The following PELP1 variants were observed in gnomAD, a reference collection of about 807,000 sequenced individuals.
The protein encoded by PELP1 is proline, glutamate and leucine rich protein 1.
A neutral mutation model predicts 95.5 loss-of-function variants in PELP1; 32 were observed. The observed-to-expected ratio is 0.34, with a 90% CI of 0.25 to 0.45. PELP1 has a LOEUF of 0.45. Among genes scored for constraint, PELP1 ranks in the 20% least tolerant of loss-of-function variants. PELP1 has a pLI of 1.00. For synonymous variants in PELP1, 668 were observed against 600.1 expected (o/e 1.11, Z -1.65); for missense variants, 1,358 against 1,444.8 (o/e 0.94, Z 0.97).
intron 1 of PELP1, among the ~76,000 whole-genome samples, chr17:4,695,023 A>G (rs1490548729): frequency 6.6e-6 from 1 of 150,564 alleles, no homozygotes; most frequent in Admixed American, 6.6e-5. Flanking sequence ...GTGAGACTCC[A>G]TTTCGAAAAA....
In PELP1 at chr17:4,683,225, T is replaced by A. The variant is rs1400359195; in HGVS notation, c.421-273A>T. ...CCTGATTAACTGAAGAGTTTTCTTT[T>A]TTTTTTTTTTTTTGAGACGGAGTCT... On this transcript the variant is annotated intron_variant, in intron 3 of 16. Coordinates refer to ENST00000572293, the MANE Select transcript of PELP1 (RefSeq NM_014389.3). 25 of 43,790 alleles carry A rather than the reference T, an allele frequency of 5.7e-4. No individual in the cohort carries two copies. In the African/African-American group the frequency reaches 7.2e-3, roughly 13 times the overall value. 2.7% of individuals were successfully genotyped at this position (43,790 alleles called of 1,614,324 possible). A position where few individuals can be genotyped will look rare whatever the true frequency, so the allele number is the denominator to read the frequency against.
chr17:4,685,760 T>A (rs1410638365), intron 3 of PELP1, among the ~76,000 whole-genome samples: 1 of 143,958 alleles, frequency 6.9e-6, no homozygotes, highest in Non-Finnish European at 1.5e-5. Context: ...ACCACTATAT[T>A]CTAGCCCAGG....
At position 4,674,814 on chromosome 17, in the gene PELP1, G is replaced by C. The variant is rs766076538; in HGVS notation, c.1417C>G (p.Leu473Val). 10 of 1,611,630 alleles carry C rather than the reference G, an allele frequency of 6.2e-6. No homozygotes were observed. In the South Asian group the frequency reaches 7.7e-5, roughly 12 times the overall value. ...CGGAGCTGAGGCCTCCTCACCTTAAGGGCATCAGCTGGCGGGGAGATGTCG... is the reference window on the plus strand; with the variant it reads ...CGGAGCTGAGGCCTCCTCACCTTAACGGCATCAGCTGGCGGGGAGATGTCG... ...LSDISPPADA[L>V]KLRSPRGSPD... The change falls in exon 12 of 17, where the codon CTT (leucine) becomes GTT (valine). Residue 473 changes from leucine (L) to valine (V), a missense_variant. Around this residue, in one of 7 missense-constraint regions of PELP1, gnomAD observed 538 missense variants for 628.1 expected, o/e 0.86. Coordinates refer to ENST00000572293, the MANE Select transcript of PELP1 (RefSeq NM_014389.3).
chr17:4,699,922 A>G (rs113470813), intron 1 of PELP1, among the ~76,000 whole-genome samples: 726 of 10,746 alleles, frequency 0.068, 3 homozygotes, highest in Non-Finnish European at 0.12. Flanking sequence ...TTTTTTTTTG[A>G]GACAGAGTTT....
At chr17:4,679,043 T>A (rs1315158657) in intron 5 of PELP1, among the ~76,000 whole-genome samples, 1 of 151,880 alleles carries the variant, frequency 6.6e-6, no homozygotes, top group Non-Finnish European at 1.5e-5. Flanking sequence ...TTTTTTTTTT[T>A]TGAGACAGGG....
chr17:4,673,693 G>T lies in PELP1; in HGVS notation c.1583-19C>A. 6.2e-7 allele frequency: 1 copy of T among 1,611,710 alleles called. No homozygotes were observed. The highest frequency in any genetic ancestry group is 1.3e-5 in the African/African-American group (1 of 75,002). The stretch of plus-strand genomic sequence containing the variant: ...CTGAGGCCTGGGGAAGAAGAATGGT[G>T]TGTAAAGGGTAGGCTCCCAACAGAC... On this transcript the variant is annotated intron_variant, in intron 13 of 16. Coordinates refer to ENST00000572293, the MANE Select transcript of PELP1 (RefSeq NM_014389.3). This position sits in a 1 kb window ranked among gnomAD's most constrained non-coding sequence, Gnocchi z 5.7.
At chr17:4,692,729 G>A (rs1232480923) in intron 1 of PELP1, among the ~76,000 whole-genome samples, 1 of 152,108 alleles carries the variant, frequency 6.6e-6, no homozygotes, top group Non-Finnish European at 1.5e-5. Context: ...GGCCATTTAG[G>A]CCGGGCGTGG....
chr17:4,684,077 A>G (rs1912819120), intron 3 of PELP1, among the ~76,000 whole-genome samples: 1 of 152,058 alleles, frequency 6.6e-6, no homozygotes, highest in South Asian at 2.1e-4. Flanking sequence ...GAACCCATGG[A>G]GAAAAAACAA....
At chr17:4,687,527 T>C (rs930882164) in intron 3 of PELP1, among the ~76,000 whole-genome samples, 6 of 145,864 alleles carry the variant, frequency 4.1e-5, no homozygotes, top group Non-Finnish European at 6.0e-5. Flanking sequence ...AAAAAGTATC[T>C]TCAACTAGAA....
rs949549166 is a variant in PELP1 at position 4,674,831 on chromosome 17, G to C, written c.1400C>G (p.Ser467Cys). ...ALLTHLLSDI[S>C]PPADALKLRS... is the part of the protein sequence containing the mutation. ...CACCTTAAGGGCATCAGCTGGCGGGGAGATGTCGCTGAGCAGGTGGGTGAG... is the reference window on the plus strand; with the variant it reads ...CACCTTAAGGGCATCAGCTGGCGGGCAGATGTCGCTGAGCAGGTGGGTGAG... The change falls in exon 12 of 17, where the codon TCC becomes TGC. Residue 467 changes from serine (S) to cysteine (C), a missense_variant. By Grantham distance (112) the Ser-to-Cys change is moderately radical. Around this residue, in one of 7 missense-constraint regions of PELP1, gnomAD observed 538 missense variants for 628.1 expected, o/e 0.86. Transcript: ENST00000572293. 20 of 1,612,718 alleles carry C rather than the reference G, an allele frequency of 1.2e-5. No homozygotes were observed. Among genetic ancestry groups the C allele is most frequent in the Non-Finnish European group, 1.5e-5 (18 of 1,179,376 alleles).
intron 2 of PELP1, 159 bp from the exon 3 acceptor site, chr17:4,691,152 G>T (rs1489837531): frequency 6.1e-6 from 4 of 660,182 alleles, no homozygotes; most frequent in African/African-American, 1.8e-5. Flanking sequence ...AAGAAGCAAA[G>T]AAAGAAGGGA....
intron 1 of PELP1, among the ~76,000 whole-genome samples, chr17:4,693,968 A>G (rs543365576): frequency 2.6e-5 from 4 of 152,310 alleles, no homozygotes; most frequent in South Asian, 2.1e-4. Flanking sequence ...AGGCTGAGGC[A>G]TAAGAATCAC....
intron 1 of PELP1, among the ~76,000 whole-genome samples, chr17:4,693,164 T>C (rs943341671): frequency 6.6e-6 from 1 of 152,226 alleles, no homozygotes; most frequent in Non-Finnish European, 1.5e-5. Context: ...AGTGAACACA[T>C]GACCCAGCCA....
chr17:4,683,425 T>C (rs1207473541), intron 3 of PELP1, among the ~76,000 whole-genome samples: 7 of 151,572 alleles, frequency 4.6e-5, no homozygotes, highest in Non-Finnish European at 8.8e-5. Flanking sequence ...TTTCACTATG[T>C]TAGCCAGGAT....
rs922730427 is a variant in PELP1 at position 4,673,109 on chromosome 17, C to A, written c.1882G>T (p.Ala628Ser). Residue 628 changes from alanine to serine, a missense_variant, in exon 16 of 17, where the codon GCT becomes TCT. By Grantham distance (99) the Ala-to-Ser change is moderately conservative. Transcript: ENST00000572293. This position sits in a 1 kb window ranked among gnomAD's most constrained non-coding sequence, Gnocchi z 5.7. The part of the protein sequence containing the change: ...SFCSEALVTC[A>S]ALTHPRVPPL... ...GGAACCCGGGGGTGGGTCAGAGCAG[C>A]ACAGGTCACCAGTGCTTCTGAGCAG... The A allele has an allele frequency of 6.6e-7, 1 of 1,524,310 alleles. No individual in the cohort carries two copies. Among genetic ancestry groups the A allele is most frequent in the African/African-American group, 1.4e-5 (1 of 71,990 alleles). 94.4% of individuals were successfully genotyped at this position (1,524,310 alleles called of 1,614,324 possible). A position where few individuals can be genotyped will look rare whatever the true frequency, so the allele number is the denominator to read the frequency against.
At position 4,671,144 on chromosome 17, in the gene PELP1, T is replaced by C. The variant is rs922036649; in HGVS notation, c.*295A>G. Reference sequence around the variant, plus strand: ...AGGGCTGTGTCTCTATAACTCCTCATTCTTAACCCTACACACAATTCTGCA... The same window carrying C: ...AGGGCTGTGTCTCTATAACTCCTCACTCTTAACCCTACACACAATTCTGCA... On this transcript the variant is annotated 3_prime_UTR_variant, in exon 17 of 17. Coordinates refer to ENST00000572293, the MANE Select transcript of PELP1 (RefSeq NM_014389.3). 29 of 444,816 alleles carry C rather than the reference T, an allele frequency of 6.5e-5. No individual in the cohort carries two copies. The South Asian group carries it at 6.6e-4, about 10-fold the overall frequency. The allele number at this position is 444,816 out of a possible 1,614,324, so 27.6% of individuals were successfully genotyped here. A position where few individuals can be genotyped will look rare whatever the true frequency, so the allele number is the denominator to read the frequency against.
At chr17:4,683,429 C>A (rs545092357) in intron 3 of PELP1, among the ~76,000 whole-genome samples, 2 of 151,166 alleles carry the variant, frequency 1.3e-5, no homozygotes, top group Non-Finnish European at 3.0e-5. Flanking sequence ...ACTATGTTAG[C>A]CAGGATGGTC....
At chr17:4,684,977 G>C (rs945839918) in intron 3 of PELP1, among the ~76,000 whole-genome samples, 3 of 152,146 alleles carry the variant, frequency 2.0e-5, no homozygotes, top group African/African-American at 2.4e-5. Context: ...GGGATTACAG[G>C]GGTGAGCCAC....
In PELP1 at chr17:4,690,876, C is replaced by T. The variant is rs368344962; in HGVS notation, c.420+12G>A. ...GGAGGAGGAGGAAGTAGGGCAGCAG[C>T]TGAAACCTCACCTGTAACACCTGCT... On this transcript the variant is annotated intron_variant, in intron 3 of 16. Transcript: ENST00000572293. 2.5e-6 allele frequency: 4 copies of T among 1,572,226 alleles called. No homozygotes were observed. The highest frequency in any genetic ancestry group is 2.7e-5 in the African/African-American group (2 of 74,116).
Sources: allele counts gnomAD v4.1 joint callset (sites outside exome capture counted in the v4.1 genomes callset), GRCh38; gene constraint gnomAD v4.1.1; regional missense constraint gnomAD v4.1.1; non-coding constraint Gnocchi (gnomAD v3.1); transcripts MANE v1.5; gene names NCBI Gene and HGNC (gene_info 2026-07-23, HGNC 2026-07-21).